EPHA6: variants seen among roughly 807,000 people sequenced by gnomAD.
EPHA6 encodes ephrin type-A receptor 6.
Under a neutral mutation model 112.0 loss-of-function variants are expected in EPHA6, and 50 were observed. The ratio of observed to expected loss-of-function variants is 0.45; its 90% CI spans 0.36 to 0.56. EPHA6 has a LOEUF of 0.56. Ranked by LOEUF, EPHA6 falls within the 20% of genes least tolerant of loss-of-function variation. The probability of loss-of-function intolerance (pLI) is 0.00; values close to 1 mark genes in which losing one functional copy is unlikely to be tolerated. For synonymous variants in EPHA6, 529 were observed against 490.7 expected (o/e 1.08, Z -1.03); for missense variants, 1,280 against 1,417.4 (o/e 0.90, Z 1.56).
At chr3:97,739,266 A>G (rs2035402269) in intron 16 of EPHA6, among the ~76,000 whole-genome samples, 1 of 152,020 alleles carries the variant, frequency 6.6e-6, no homozygotes, top group Non-Finnish European at 1.5e-5. Flanking sequence ...ATTCTCCTGC[A>G]CTTTCCTTTT....
intron 11 of EPHA6, among the ~76,000 whole-genome samples, chr3:97,577,283 T>C (rs2107262106): frequency 6.6e-6 from 1 of 152,276 alleles, no homozygotes; most frequent in Non-Finnish European, 1.5e-5. Flanking sequence ...AAAAGAAAAT[T>C]TGCATAAGAC....
At chr3:96,910,185 G>A (rs1264946691) in intron 2 of EPHA6, among the ~76,000 whole-genome samples, 1 of 152,060 alleles carries the variant, frequency 6.6e-6, no homozygotes, top group East Asian at 1.9e-4. Flanking sequence ...ACAGGGCATT[G>A]TGTTATGGTT....
chr3:97,487,640 T>C (rs752314316), intron 10 of EPHA6, among the ~76,000 whole-genome samples: 80 of 152,336 alleles, frequency 5.3e-4, no homozygotes, highest in Non-Finnish European at 9.7e-4. Flanking sequence ...TCTTTCCCTA[T>C]AAATTTCACT....
intron 5 of EPHA6, among the ~76,000 whole-genome samples, chr3:97,266,549 C>T (rs1461250952): frequency 1.3e-5 from 2 of 151,996 alleles, no homozygotes; most frequent in Non-Finnish European, 2.9e-5. Context: ...ACAACTGGTC[C>T]CAGGATTGTA....
chr3:97,619,847 C>A (rs1462137197), intron 13 of EPHA6, among the ~76,000 whole-genome samples: 1 of 151,926 alleles, frequency 6.6e-6, no homozygotes, highest in Non-Finnish European at 1.5e-5. Context: ...CTGCCCAAAG[C>A]AATTTACAGA....
intron 11 of EPHA6, among the ~76,000 whole-genome samples, chr3:97,563,135 T>A (rs912381108): frequency 6.6e-6 from 1 of 152,134 alleles, no homozygotes; most frequent in African/African-American, 2.4e-5. Flanking sequence ...CTCTGAGGTA[T>A]TCTTGTAATG....
intron 3 of EPHA6, among the ~76,000 whole-genome samples, chr3:97,001,324 T>G (rs2043656018): frequency 6.6e-6 from 1 of 152,018 alleles, no homozygotes; most frequent in East Asian, 1.9e-4. Flanking sequence ...TTGTTGTCTC[T>G]TGTAAGAAAA....
At chr3:97,329,367 T>C (rs1182339813) in intron 5 of EPHA6, among the ~76,000 whole-genome samples, 2 of 151,302 alleles carry the variant, frequency 1.3e-5, no homozygotes, top group African/African-American at 4.9e-5. Flanking sequence ...GTATTTCTAG[T>C]TCTGGATCCC....
intron 3 of EPHA6, among the ~76,000 whole-genome samples, chr3:97,151,916 AT>A (rs2076181157): frequency 6.6e-6 from 1 of 151,978 alleles, no homozygotes; most frequent in Non-Finnish European, 1.5e-5. Context: ...ATATAATCAT[AT>A]TTAGCGTTTT....
chr3:96,885,291 G>A (rs13318503), intron 2 of EPHA6, among the ~76,000 whole-genome samples: 33,367 of 151,964 alleles, frequency 0.22, 6,481 homozygotes, highest in African/African-American at 0.49. Context: ...AGATAGTGTC[G>A]AAAGGATTGG....
intron 4 of EPHA6, among the ~76,000 whole-genome samples, chr3:97,240,869 T>G (rs376435262): frequency 2.0e-5 from 3 of 152,010 alleles, no homozygotes; most frequent in African/African-American, 7.2e-5. Context: ...AGCAACAAAC[T>G]GATTTTTGTG....
chr3:96,908,044 C>A (rs2039027096), intron 2 of EPHA6, among the ~76,000 whole-genome samples: 1 of 152,028 alleles, frequency 6.6e-6, no homozygotes, highest in African/African-American at 2.4e-5. Flanking sequence ...TTGTAGGCTG[C>A]AAACCTGTGT....
At chr3:96,910,125 C>T (rs959917628) in intron 2 of EPHA6, among the ~76,000 whole-genome samples, 12 of 151,890 alleles carry the variant, frequency 7.9e-5, no homozygotes, top group Admixed American at 3.3e-4. Context: ...CTAGGTGTGC[C>T]TTCAACATAT....
intron 11 of EPHA6, among the ~76,000 whole-genome samples, chr3:97,559,062 A>G (rs990288313): frequency 6.6e-6 from 1 of 152,028 alleles, no homozygotes; most frequent in East Asian, 1.9e-4. Context: ...CAATGAGTGC[A>G]TAGCATGCAT....
At chr3:97,140,804 A>G (rs1576558837) in intron 3 of EPHA6, among the ~76,000 whole-genome samples, 1 of 152,182 alleles carries the variant, frequency 6.6e-6, no homozygotes, top group East Asian at 1.9e-4. Context: ...CAACATTATG[A>G]TAGGTACAAA....
chr3:96,920,902 A>C (rs1313129140), intron 2 of EPHA6, among the ~76,000 whole-genome samples: 1 of 152,060 alleles, frequency 6.6e-6, no homozygotes, highest in East Asian at 1.9e-4. Flanking sequence ...TAGTTTATAT[A>C]GCCTTTAAGG....
At chr3:97,208,563 T>C (rs1259804321) in intron 3 of EPHA6, among the ~76,000 whole-genome samples, 4 of 151,972 alleles carry the variant, frequency 2.6e-5, no homozygotes, top group South Asian at 2.1e-4. Flanking sequence ...TTGGGCAACA[T>C]GGTGAAACCC....
At chr3:97,704,425 A>T (rs796548739) in intron 14 of EPHA6, among the ~76,000 whole-genome samples, 32 of 152,288 alleles carry the variant, frequency 2.1e-4, no homozygotes, top group African/African-American at 7.5e-4. Context: ...CTCCTCAGAC[A>T]ACAGAGCTCC....
chr3:96,990,127 C>T (rs970450759), intron 3 of EPHA6, among the ~76,000 whole-genome samples: 6 of 152,084 alleles, frequency 3.9e-5, no homozygotes, highest in Admixed American at 3.9e-4. Flanking sequence ...ATTATTTAAT[C>T]TAAGAATTTA....
Sources: gnomAD v4.1 joint callset for allele counts (sites outside exome capture counted in the v4.1 genomes callset) on GRCh38, gnomAD v4.1.1 for gene constraint, MANE v1.5 for transcripts, NCBI Gene and HGNC (gene_info 2026-07-23, HGNC 2026-07-21) for gene names.